R3HDM1: variants seen among roughly 807,000 people sequenced by gnomAD.
The protein encoded by R3HDM1 is R3H domain-containing protein 1.
R3HDM1 carries 46 observed loss-of-function variants against 141.1 expected under a neutral mutation model. The ratio of observed to expected loss-of-function variants is 0.33; its 90% confidence interval spans 0.26 to 0.42. The LOEUF is 0.42. Ranked by LOEUF, R3HDM1 falls within the 10% of genes least tolerant of loss-of-function variation. R3HDM1 has a pLI of 1.00. For synonymous variants in R3HDM1, 435 were observed against 472.9 expected, an observed-to-expected ratio of 0.92 and a Z score of 1.04; for missense variants, 1,184 against 1,368.3, an observed-to-expected ratio of 0.87 and a Z score of 2.12.
At chr2:135,679,066 CTTTT>C (rs141175748) in intron 20 of R3HDM1, among the ~76,000 whole-genome samples, 33,002 of 71,244 alleles carry the variant, frequency 0.46, 7,530 homozygotes, top group Non-Finnish European at 0.61. Flanking sequence ...GCCCGGCTTT[CTTTT>C]TTTTTTTTTT....
At chr2:135,717,940 A>G (rs1414172865) in intron 24 of R3HDM1, among the ~76,000 whole-genome samples, 1 of 152,248 alleles carries the variant, frequency 6.6e-6, no homozygotes, top group Non-Finnish European at 1.5e-5. Flanking sequence ...CAACATGTCC[A>G]TCAACAGGAG....
Position 135,656,408 on chromosome 2 carries a change from T to A in R3HDM1, c.2028+4376T>A, listed in dbSNP as rs1222649383. 13 of 152,266 alleles carry A rather than the reference T, an allele frequency of 8.5e-5. No homozygotes were observed. The East Asian group carries it at 2.5e-3, about 29-fold the overall frequency. The allele number at this position is 152,266 out of a possible 1,614,324, so 9.4% of individuals were successfully genotyped here. ...AGATTCAGGTATGCCACATTGCTAT[T>A]TTTTTATTTGCCCTATCTGTATTTT... On this transcript the variant is annotated intron_variant, in intron 18 of 26. Coordinates refer to ENST00000683871, the MANE Select transcript of R3HDM1 (RefSeq NM_001378107.1).
chr2:135,679,442 A>G (rs931048536), intron 20 of R3HDM1, among the ~76,000 whole-genome samples: 1 of 152,120 alleles, frequency 6.6e-6, no homozygotes, highest in Non-Finnish European at 1.5e-5. Context: ...CACTTGCCCA[A>G]TATCACTTAG....
At chr2:135,654,976 G>A (rs1374872115) in intron 18 of R3HDM1, among the ~76,000 whole-genome samples, 2 of 151,328 alleles carry the variant, frequency 1.3e-5, no homozygotes, top group Admixed American at 1.3e-4. Context: ...TAAGTGATAT[G>A]CAATTATTTT....
At chr2:135,580,603 C>G (rs1180947318) in intron 1 of R3HDM1, among the ~76,000 whole-genome samples, 1 of 152,186 alleles carries the variant, frequency 6.6e-6, no homozygotes, top group African/African-American at 2.4e-5. Flanking sequence ...GTACATGTCA[C>G]TCTCCTAATT....
intron 21 of R3HDM1, among the ~76,000 whole-genome samples, chr2:135,707,240 A>C (rs1257730826): frequency 6.6e-6 from 1 of 152,348 alleles, no homozygotes; most frequent in Middle Eastern, 3.4e-3. Flanking sequence ...AAACTTGTGA[A>C]ATTACTATAG....
intron 1 of R3HDM1, among the ~76,000 whole-genome samples, chr2:135,596,101 C>T (rs2059155165): frequency 6.6e-6 from 1 of 152,104 alleles, no homozygotes. Flanking sequence ...CAGGCTCCAG[C>T]GATTCTCCTG....
At position 135,641,779 on chromosome 2, in the gene R3HDM1, A is replaced by G; in HGVS notation, c.1463A>G (p.Asn488Ser). The G allele has an allele frequency of 6.2e-7, 1 of 1,609,142 alleles. No individual in the cohort carries two copies. Among genetic ancestry groups the G allele is most frequent in the Non-Finnish European group, 8.5e-7 (1 of 1,178,272 alleles). ...ATACCACCTGGCAGTATTCTGATCA[A>G]CCCACAAACAGGTTGGTATCCAGAA... ...AGIPPGSILI[N>S]PQTGQPFINP... The change falls in exon 15 of 27, where the codon AAC (asparagine) becomes AGC (serine). Residue 488 changes from asparagine to serine, a missense_variant. Coordinates refer to ENST00000683871, the MANE Select transcript of R3HDM1 (RefSeq NM_001378107.1).
chr2:135,581,129 G>T, intron 1 of R3HDM1: 1 of 932,618 alleles, frequency 1.1e-6, no homozygotes, highest in South Asian at 5.0e-5. Context: ...CATTTTAAAG[G>T]CTGGAGACCA....
intron 21 of R3HDM1, among the ~76,000 whole-genome samples, chr2:135,707,657 C>G (rs1459855279): frequency 6.6e-6 from 1 of 152,188 alleles, no homozygotes; most frequent in African/African-American, 2.4e-5. Flanking sequence ...AGGGGCATGG[C>G]TCAGGAGAGC....
intron 21 of R3HDM1, among the ~76,000 whole-genome samples, chr2:135,695,088 C>T (rs998482967): frequency 6.6e-6 from 1 of 152,194 alleles, no homozygotes; most frequent in African/African-American, 2.4e-5. Context: ...CAAAAGGCTG[C>T]TGTCGTCCTG....
chr2:135,549,879 G>T (rs996089951), intron 1 of R3HDM1: 1 of 718,560 alleles, frequency 1.4e-6, no homozygotes, highest in Non-Finnish European at 1.7e-6. Flanking sequence ...ATGGTCAATT[G>T]TGTTTGATTT....
intron 21 of R3HDM1, among the ~76,000 whole-genome samples, chr2:135,685,980 C>CTG (rs2071263708): frequency 6.6e-6 from 1 of 151,700 alleles, no homozygotes; most frequent in Admixed American, 6.6e-5. Flanking sequence ...TAAGGAAATC[C>CTG]TGTAATTCAG....
chr2:135,640,085 C>T (rs1380806493), intron 14 of R3HDM1, among the ~76,000 whole-genome samples: 9 of 146,810 alleles, frequency 6.1e-5, no homozygotes, highest in South Asian at 4.2e-4. Context: ...GGCAACAGAG[C>T]GAGACTCCGT....
intron 1 of R3HDM1, chr2:135,597,073 A>G (rs2059254409): frequency 1.1e-5 from 11 of 982,052 alleles, no homozygotes; most frequent in South Asian, 4.7e-5. Context: ...GCCTCTCCAT[A>G]TAACTTTTTC....
intron 7 of R3HDM1, 24 bp from the exon 8 acceptor site, chr2:135,631,694 A>G (rs1331712937): frequency 6.5e-7 from 1 of 1,541,424 alleles, no homozygotes. Context: ...TTTTACATAT[A>G]AGAGTCTTCA....
chr2:135,712,461 G>T (rs1392703140), intron 23 of R3HDM1, among the ~76,000 whole-genome samples: 2 of 145,838 alleles, frequency 1.4e-5, no homozygotes, highest in African/African-American at 5.3e-5. Context: ...TTATAGAGAT[G>T]GGGTATTGCC....
chr2:135,595,519 C>A (rs1367163805), intron 1 of R3HDM1, among the ~76,000 whole-genome samples: 2 of 152,194 alleles, frequency 1.3e-5, no homozygotes, highest in African/African-American at 4.8e-5. Context: ...CAGCTGCAAA[C>A]TATGTAATAC....
intron 19 of R3HDM1, among the ~76,000 whole-genome samples, chr2:135,662,471 G>C (rs192429754): frequency 2.6e-5 from 4 of 152,290 alleles, no homozygotes; most frequent in African/African-American, 7.2e-5. Flanking sequence ...ATAACTTCCA[G>C]GTCCTTAATC....
Sources: gnomAD v4.1 joint callset for allele counts (sites outside exome capture counted in the v4.1 genomes callset) on GRCh38, gnomAD v4.1.1 for gene constraint, MANE v1.5 for transcripts, NCBI Gene and HGNC (gene_info 2026-07-23, HGNC 2026-07-21) for gene names.